Variants in EYS observed in about 807,000 individuals in gnomAD.
EYS encodes protein eyes shut homolog.
Under a neutral mutation model 282.1 loss-of-function variants are expected in EYS, and 250 were observed. That is an observed-to-expected ratio of 0.89 (90% CI 0.80 to 0.98). The LOEUF (loss-of-function observed/expected upper bound fraction) is 0.98. EYS is among the 50% of genes least tolerant of loss of function. The pLI, the probability that EYS is intolerant of heterozygous loss-of-function variation, is 0.00. For synonymous variants in EYS, 1,355 were observed against 1,282.9 expected (o/e 1.06, Z -1.20); for missense variants, 4,016 against 3,709.0 (o/e 1.08, Z -2.15).
chr6:64,048,394 C>T (rs977523224), intron 33 of EYS, among the ~76,000 whole-genome samples: 2 of 152,014 alleles, frequency 1.3e-5, no homozygotes, highest in Admixed American at 6.6e-5. Context: ...TTCTGCATGG[C>T]TCTGTGCTTG....
intron 26 of EYS, among the ~76,000 whole-genome samples, chr6:64,441,056 T>A (rs1449424627): frequency 6.6e-6 from 1 of 152,092 alleles, no homozygotes; most frequent in Non-Finnish European, 1.5e-5. Context: ...GGTAAAATCA[T>A]TGATGCTTTA....
chr6:64,507,513 A>G (rs539675688), intron 26 of EYS, among the ~76,000 whole-genome samples: 1 of 152,336 alleles, frequency 6.6e-6, no homozygotes, highest in Admixed American at 6.5e-5. Flanking sequence ...GCATCTTTTG[A>G]AAGCTGAAGA....
intron 22 of EYS, among the ~76,000 whole-genome samples, chr6:64,643,150 G>A (rs1562108476): frequency 6.7e-6 from 1 of 149,348 alleles, no homozygotes; most frequent in East Asian, 2.0e-4. Flanking sequence ...AAGAAAAGAC[G>A]ACTTTTCAAC....
In EYS at chr6:64,151,052, CAT is replaced by C. The variant is rs529599318; in HGVS notation, c.6425-69052_6425-69051del. On this transcript the variant is annotated intron_variant, in intron 31 of 42. Coordinates refer to ENST00000503581, the MANE Select transcript of EYS (RefSeq NM_001142800.2). Reference sequence around the variant, plus strand: ...ATTTTAGGCAAATGTTCTTATATGACATATGTATATTTTTGTTTAAGTATACA... The same window carrying C: ...ATTTTAGGCAAATGTTCTTATATGACATGTATATTTTTGTTTAAGTATACA... 4.6e-3 allele frequency among the ~76,000 whole-genome samples: 705 copies of C among 151,738 alleles called. 4 individuals carry two copies. The highest frequency in any genetic ancestry group is 0.016 in the African/African-American group (660 of 41,382).
intron 19 of EYS, among the ~76,000 whole-genome samples, chr6:64,844,115 C>G (rs961640886): frequency 9.2e-5 from 14 of 152,196 alleles, no homozygotes; most frequent in African/African-American, 3.4e-4. Flanking sequence ...AACTGTAAGT[C>G]CAATTAAACC....
In EYS at chr6:64,202,863, T is replaced by C. The variant is rs150714138; in HGVS notation, c.6424+27729A>G. 4.9e-3 allele frequency among the ~76,000 whole-genome samples: 752 copies of C among 152,294 alleles called. 1 individual carries two copies. The highest frequency in any genetic ancestry group is 0.017 in the African/African-American group (707 of 41,562). The stretch of plus-strand genomic sequence containing the variant: ...GGAATGCTTTGGAGACACCAATAGC[T>C]GGAAAAGGCAAGGAAGGATTCTCCT... On this transcript the variant is annotated intron_variant, in intron 31 of 42. Coordinates refer to ENST00000503581, the MANE Select transcript of EYS (RefSeq NM_001142800.2).
At chr6:63,997,409 G>A (rs1346985473) in intron 34 of EYS, among the ~76,000 whole-genome samples, 4 of 152,126 alleles carry the variant, frequency 2.6e-5, no homozygotes, top group Non-Finnish European at 5.9e-5. Flanking sequence ...ATTGAGCTTT[G>A]GGGTTAACAC....
At chr6:64,191,957 T>C (rs551020131) in intron 31 of EYS, among the ~76,000 whole-genome samples, 231 of 146,704 alleles carry the variant, frequency 1.6e-3, no homozygotes, top group Non-Finnish European at 2.1e-3. Context: ...AGTGTAAAAG[T>C]GTTCCTATTT....
chr6:64,711,944 A>G (rs1479732824), intron 22 of EYS, among the ~76,000 whole-genome samples: 2 of 152,190 alleles, frequency 1.3e-5, no homozygotes, highest in Non-Finnish European at 2.9e-5. Context: ...AACAGTGTGG[A>G]GAAACAATTA....
chr6:64,701,392 C>A (rs1254723233), intron 22 of EYS, among the ~76,000 whole-genome samples: 1 of 152,042 alleles, frequency 6.6e-6, no homozygotes, highest in East Asian at 1.9e-4. Flanking sequence ...GGTCAACAGA[C>A]AACTTGCAGA....
chr6:63,721,883 G>A, intron 42 of EYS, 86 bp from the exon 43 acceptor site: 1 of 1,286,126 alleles, frequency 7.8e-7, no homozygotes, highest in Non-Finnish European at 1.1e-6. Context: ...AGTTGGATAA[G>A]TTTTAGTTAT....
intron 24 of EYS, among the ~76,000 whole-genome samples, chr6:64,602,620 C>G (rs1766798342): frequency 6.6e-6 from 1 of 152,008 alleles, no homozygotes; most frequent in South Asian, 2.1e-4. Context: ...TTAAGAAATG[C>G]TTAATGCTGC....
At chr6:64,391,574 C>T (rs1472227871) in intron 28 of EYS, among the ~76,000 whole-genome samples, 2 of 152,042 alleles carry the variant, frequency 1.3e-5, no homozygotes, top group Admixed American at 6.6e-5. Context: ...CAAGCAAATG[C>T]TGAGAGATTT....
At chr6:65,671,477 C>G (rs1344924289) in intron 1 of EYS, among the ~76,000 whole-genome samples, 1 of 151,976 alleles carries the variant, frequency 6.6e-6, no homozygotes, top group Non-Finnish European at 1.5e-5. Context: ...ATATAAAATA[C>G]TGTTATATTT....
chr6:65,619,359 G>C (rs1357182057), intron 2 of EYS, among the ~76,000 whole-genome samples: 1 of 152,010 alleles, frequency 6.6e-6, no homozygotes, highest in African/African-American at 2.4e-5. Flanking sequence ...CTGTTTGTCT[G>C]TTATTGGTGT....
chr6:63,748,978 TC>T (rs1769276806), intron 41 of EYS, among the ~76,000 whole-genome samples: 1 of 152,136 alleles, frequency 6.6e-6, no homozygotes, highest in African/African-American at 2.4e-5. Flanking sequence ...TGTGTCTCAA[TC>T]TCCTTCAGTT....
At chr6:64,975,676 T>C (rs1770452610) in intron 14 of EYS, among the ~76,000 whole-genome samples, 1 of 151,882 alleles carries the variant, frequency 6.6e-6, no homozygotes, top group Non-Finnish European at 1.5e-5. Flanking sequence ...GGGCCTTTAA[T>C]AAAATTCTGT....
chr6:64,516,062 C>T (rs943657474), intron 26 of EYS, among the ~76,000 whole-genome samples: 3 of 151,704 alleles, frequency 2.0e-5, no homozygotes, highest in Admixed American at 1.3e-4. Flanking sequence ...TTTATACTTT[C>T]CATGTTGCTA....
chr6:65,395,862 T>C (rs1162414306), intron 7 of EYS, among the ~76,000 whole-genome samples: 2 of 152,108 alleles, frequency 1.3e-5, no homozygotes, highest in Non-Finnish European at 2.9e-5. Flanking sequence ...CCCCCATTTC[T>C]CTCAACCCCA....
Sources: gnomAD v4.1 joint callset for allele counts (sites outside exome capture counted in the v4.1 genomes callset) on GRCh38, gnomAD v4.1.1 for gene constraint, MANE v1.5 for transcripts, NCBI Gene and HGNC (gene_info 2026-07-23, HGNC 2026-07-21) for gene names.